The following CTNNA3 variants were observed in gnomAD, a reference collection of about 807,000 sequenced individuals.
CTNNA3 encodes the protein catenin alpha 3, also known as catenin alpha-3.
In CTNNA3, 76 loss-of-function variants were observed where a neutral mutation model predicts 95.7. The ratio of observed to expected loss-of-function variants is 0.79; its 90% CI spans 0.66 to 0.96. The LOEUF is 0.96. Among genes scored for constraint, CTNNA3 ranks in the 40% least tolerant of loss-of-function variants. The pLI is 0.00. For missense variants in CTNNA3, 1,191 were observed against 1,089.8 expected (o/e 1.09, Z -1.31); for synonymous variants, 431 against 374.4 (o/e 1.15, Z -1.74).
chr10:67,737,919 G>A (rs919184232), intron 1 of CTNNA3, among the ~76,000 whole-genome samples: 9 of 152,196 alleles, frequency 5.9e-5, no homozygotes, highest in African/African-American at 1.9e-4. Flanking sequence ...ATACCCAAAG[G>A]AGTATAAATC....
intron 11 of CTNNA3, among the ~76,000 whole-genome samples, chr10:66,508,095 A>G (rs1564498812): frequency 6.6e-6 from 1 of 150,770 alleles, no homozygotes; most frequent in Non-Finnish European, 1.5e-5. Flanking sequence ...ATAAAATTAT[A>G]TTAGTGATGT....
intron 1 of CTNNA3, among the ~76,000 whole-genome samples, chr10:67,746,361 A>T (rs1274697686): frequency 1.3e-5 from 2 of 152,168 alleles, no homozygotes; most frequent in Non-Finnish European, 2.9e-5. Flanking sequence ...GGACAATGGG[A>T]TAACTATATG....
intron 15 of CTNNA3, among the ~76,000 whole-genome samples, chr10:66,067,597 C>T (rs1311130171): frequency 1.3e-5 from 2 of 152,008 alleles, no homozygotes; most frequent in African/African-American, 4.8e-5. Context: ...TTTCAGTAAA[C>T]TTTCAGAGGC....
intron 7 of CTNNA3, among the ~76,000 whole-genome samples, chr10:67,105,602 G>C (rs980272341): frequency 6.6e-6 from 1 of 152,130 alleles, no homozygotes; most frequent in African/African-American, 2.4e-5. Flanking sequence ...TAAACAGTCT[G>C]ATGAAAATGT....
At chr10:67,474,262 A>T (rs577997556) in intron 5 of CTNNA3, among the ~76,000 whole-genome samples, 16 of 152,300 alleles carry the variant, frequency 1.1e-4, no homozygotes, top group African/African-American at 3.6e-4. Context: ...ATGTGACTGT[A>T]TTTTGAGATA....
chr10:66,847,491 G>A (rs559881354), intron 7 of CTNNA3, among the ~76,000 whole-genome samples: 2 of 152,192 alleles, frequency 1.3e-5, no homozygotes, highest in African/African-American at 2.4e-5. Flanking sequence ...CAAACCGTTT[G>A]CATTTGAATG....
intron 16 of CTNNA3, among the ~76,000 whole-genome samples, chr10:65,968,321 A>G (rs1490963102): frequency 6.6e-6 from 1 of 152,156 alleles, no homozygotes. Context: ...TGCTGCAGTG[A>G]GCCATGATTG....
At chr10:67,505,642 C>T (rs1055587200) in intron 5 of CTNNA3, among the ~76,000 whole-genome samples, 4 of 152,184 alleles carry the variant, frequency 2.6e-5, no homozygotes, top group African/African-American at 9.6e-5. Context: ...ATATTCTAAA[C>T]ATTTTCATCC....
Position 65,966,537 on chromosome 10 carries a change from A to T in CTNNA3, c.2400+75T>A. On this transcript the variant is annotated intron_variant, in intron 17 of 17. Transcript: ENST00000433211. ...CTAATTTTACCTAAAAGATTTGGTC[A>T]TGTAAACAAGGGTGTAGTTACTCTG... 3 of 1,244,160 alleles carry T rather than the reference A, an allele frequency of 2.4e-6. No homozygotes were observed. In the South Asian group the frequency reaches 7.2e-5, roughly 30 times the overall value. 77.1% of individuals were successfully genotyped at this position (1,244,160 alleles called of 1,614,324 possible).
intron 7 of CTNNA3, among the ~76,000 whole-genome samples, chr10:66,783,998 T>TA (rs1351110155): frequency 6.6e-6 from 1 of 152,130 alleles, no homozygotes; most frequent in Non-Finnish European, 1.5e-5. Context: ...AGCCTTTACA[T>TA]ATGGCTATGG....
chr10:66,352,415 G>A (rs2132395233), intron 12 of CTNNA3, among the ~76,000 whole-genome samples: 1 of 152,182 alleles, frequency 6.6e-6, no homozygotes, highest in South Asian at 2.1e-4. Flanking sequence ...GATAGAGATA[G>A]TTTTCCAAGA....
At chr10:66,428,132 A>G (rs1031099855) in intron 11 of CTNNA3, among the ~76,000 whole-genome samples, 2 of 152,168 alleles carry the variant, frequency 1.3e-5, no homozygotes, top group Non-Finnish European at 2.9e-5. Flanking sequence ...ACTTTAAACC[A>G]ACAAAGATCA....
chr10:67,545,187 T>C (rs1291390266), intron 3 of CTNNA3, among the ~76,000 whole-genome samples: 5 of 152,204 alleles, frequency 3.3e-5, no homozygotes, highest in Non-Finnish European at 7.3e-5. Flanking sequence ...TTATAAAACA[T>C]AAAATTTGAT....
At chr10:67,577,392 G>C (rs943509698) in intron 3 of CTNNA3, among the ~76,000 whole-genome samples, 1 of 151,926 alleles carries the variant, frequency 6.6e-6, no homozygotes, top group Non-Finnish European at 1.5e-5. Flanking sequence ...TTTTTTTCTT[G>C]TAAATTTGAG....
At chr10:67,133,253 G>T (rs77157642) in intron 7 of CTNNA3, among the ~76,000 whole-genome samples, 5,483 of 145,790 alleles carry the variant, frequency 0.038, 314 homozygotes, top group East Asian at 0.12. Flanking sequence ...ATATATATAT[G>T]CTTGATACCT....
chr10:66,343,200 A>G (rs960082767), intron 12 of CTNNA3, among the ~76,000 whole-genome samples: 2 of 152,078 alleles, frequency 1.3e-5, no homozygotes, highest in Admixed American at 1.3e-4. Context: ...GGACCCCAAT[A>G]TGATCCAGCA....
At chr10:66,039,970 A>C (rs2133488575) in intron 15 of CTNNA3, among the ~76,000 whole-genome samples, 1 of 152,342 alleles carries the variant, frequency 6.6e-6, no homozygotes, top group Admixed American at 6.5e-5. Flanking sequence ...CAAACTCTGC[A>C]TCTGACTAAG....
chr10:66,738,599 T>C (rs1240785501), intron 9 of CTNNA3, among the ~76,000 whole-genome samples: 1 of 152,204 alleles, frequency 6.6e-6, no homozygotes, highest in Non-Finnish European at 1.5e-5. Flanking sequence ...GCTCTTTCTG[T>C]AGAAAGAGTT....
chr10:66,978,883 A>T (rs1850236689), intron 7 of CTNNA3, among the ~76,000 whole-genome samples: 1 of 149,330 alleles, frequency 6.7e-6, no homozygotes, highest in South Asian at 2.1e-4. Context: ...AAAGCCTATT[A>T]TTTGAAGGAA....
Sources: gnomAD v4.1 joint callset for allele counts (sites outside exome capture counted in the v4.1 genomes callset) on GRCh38, gnomAD v4.1.1 for gene constraint, MANE v1.5 for transcripts, NCBI Gene and HGNC (gene_info 2026-07-23, HGNC 2026-07-21) for gene names.